Variants in ANKDD1A observed in about 807,000 individuals in gnomAD.
ANKDD1A encodes ankyrin repeat and death domain containing 1A.
A neutral mutation model predicts 63.5 loss-of-function variants in ANKDD1A; 59 were observed. The observed-to-expected ratio is 0.93, with a 90% CI of 0.75 to 1.15. The LOEUF is 1.15. Ranked by LOEUF, ANKDD1A falls within the 50% of genes most tolerant of loss-of-function variation. The pLI, the probability that ANKDD1A is intolerant of heterozygous loss-of-function variation, is 0.00. For missense variants in ANKDD1A, 632 were observed against 656.4 expected (o/e 0.96, Z 0.41); for synonymous variants, 266 against 263.9 (o/e 1.01, Z -0.08).
At chr15:64,939,097 C>T (rs2085159753) in intron 9 of ANKDD1A, among the ~76,000 whole-genome samples, 1 of 152,018 alleles carries the variant, frequency 6.6e-6, no homozygotes, top group South Asian at 2.1e-4. Context: ...TGTGGGAACT[C>T]TGTTATCTTT....
At position 64,949,942 on chromosome 15, in the gene ANKDD1A, C is replaced by T. The variant is rs748011284; in HGVS notation, c.1453C>T (p.Leu485Phe). 1.3e-5 allele frequency: 21 copies of T among 1,609,966 alleles called. No individual in the cohort carries two copies. The Admixed American group carries it at 1.5e-4, about 11-fold the overall frequency. ...ENPSKALFEG[L>F]VAIGRRDLAG... is the part of the protein sequence containing the mutation. ...CCCCAGCAAAGCGCTGTTCGAGGGC[C>T]TCGTGGCCATTGGCAGGAGGGACCT... The change falls in exon 14 of 15, where the codon CTC becomes TTC. Residue 485 changes from leucine to phenylalanine, a missense_variant. Coordinates refer to ENST00000319580, the MANE Select transcript of ANKDD1A (RefSeq NM_182703.6).
intron 14 of ANKDD1A, among the ~76,000 whole-genome samples, chr15:64,953,287 CCTTCTTTCTTCTTCTTTTACTTTTTT>C (rs2085336376): frequency 6.8e-6 from 1 of 147,970 alleles, no homozygotes; most frequent in African/African-American, 2.5e-5. Context: ...TTTCCTTCTT[CCTTCTTTCTTCTTCTTTTACTTTTTT>C]CTTTCTTCTT....
chr15:64,917,519 G>A lies in ANKDD1A; in HGVS notation c.267+5G>A, dbSNP rs997883712. 4 of 1,529,112 alleles carry A rather than the reference G, an allele frequency of 2.6e-6. No individual in the cohort carries two copies. Among genetic ancestry groups the A allele is most frequent in the Non-Finnish European group, 3.5e-6 (4 of 1,133,324 alleles). 94.7% of individuals were successfully genotyped at this position (1,529,112 alleles called of 1,614,324 possible). A position where few individuals can be genotyped will look rare whatever the true frequency, so the allele number is the denominator to read the frequency against. On this transcript the variant is annotated splice_donor_5th_base_variant and intron_variant, in intron 3 of 14. Transcript: ENST00000319580. The stretch of plus-strand genomic sequence containing the variant: ...CTCACAGAGGCACGTCTGTGTGTAC[G>A]TGTCTGTCTGTCTGTCTGTCTCAGG...
At chr15:64,938,332 T>G (rs927543314) in intron 9 of ANKDD1A, among the ~76,000 whole-genome samples, 2 of 152,118 alleles carry the variant, frequency 1.3e-5, no homozygotes, top group East Asian at 1.9e-4. Flanking sequence ...AAACACTACC[T>G]CAGCCAGGTG....
chr15:64,951,993 T>C (rs2085294368), intron 14 of ANKDD1A, among the ~76,000 whole-genome samples: 1 of 150,508 alleles, frequency 6.6e-6, no homozygotes, highest in Non-Finnish European at 1.5e-5. Flanking sequence ...TATTCTTCTT[T>C]CTTTTCTTTC....
intron 14 of ANKDD1A, among the ~76,000 whole-genome samples, chr15:64,951,691 C>CATTCTTTTCTTTT (rs2085282838): frequency 1.7e-5 from 2 of 117,518 alleles, no homozygotes; most frequent in Admixed American, 9.0e-5. Context: ...TTTCTTCTTC[C>CATTCTTTTCTTTT]TCTTCTTCTT....
chr15:64,927,749 C>T (rs1488271592), intron 6 of ANKDD1A, among the ~76,000 whole-genome samples: 1 of 151,976 alleles, frequency 6.6e-6, no homozygotes, highest in African/African-American at 2.4e-5. Context: ...GGACTGTAGG[C>T]GCCCGCCACC....
intron 9 of ANKDD1A, among the ~76,000 whole-genome samples, chr15:64,935,051 C>T (rs895761975): frequency 5.9e-5 from 9 of 151,362 alleles, no homozygotes; most frequent in African/African-American, 2.2e-4. Flanking sequence ...CCAGGGAGAT[C>T]CATCTCTACA....
Position 64,945,607 on chromosome 15 carries a change from C to CACATATATATATATAT in ANKDD1A, c.1161+861_1161+862insCATATATATATATATA, listed in dbSNP as rs1555396877. On this transcript the variant is annotated intron_variant, in intron 12 of 14. Transcript: ENST00000319580. ...TTAGAGGGATTAAATGCATTTTCAA[C>CACATATATATATATAT]ATATATATATATATATATATATATG... 6.8e-5 allele frequency among the ~76,000 whole-genome samples: 5 copies of CACATATATATATATAT among 73,852 alleles called. No individual in the cohort carries two copies. The Admixed American group carries it at 9.1e-4, about 13-fold the overall frequency. The allele number at this position is 73,852 out of a possible 152,430, so 48.4% of individuals were successfully genotyped here. A position where few individuals can be genotyped will look rare whatever the true frequency, so the allele number is the denominator to read the frequency against.
chr15:64,926,255 C>T, intron 5 of ANKDD1A, 85 bp downstream of exon 5: 1 of 1,318,798 alleles, frequency 7.6e-7, no homozygotes, highest in Non-Finnish European at 1.1e-6. Context: ...TACCACATTC[C>T]TTGGGTGCAT....
intron 10 of ANKDD1A, 135 bp from the exon 11 acceptor site, chr15:64,943,349 C>A: frequency 2.7e-6 from 2 of 742,074 alleles, no homozygotes; most frequent in South Asian, 1.7e-5. Flanking sequence ...GTATGTAAAA[C>A]CAACAAACTG....
intron 14 of ANKDD1A, among the ~76,000 whole-genome samples, chr15:64,952,040 CTCT>C (rs796128862): frequency 3.7e-4 from 51 of 137,586 alleles, no homozygotes; most frequent in African/African-American, 1.1e-3. Flanking sequence ...TTCTTCTTTC[CTCT>C]TCTTTCTTCT....
intron 14 of ANKDD1A, among the ~76,000 whole-genome samples, chr15:64,954,485 T>C (rs1331149301): frequency 4.2e-5 from 6 of 141,728 alleles, no homozygotes; most frequent in African/African-American, 1.7e-4. Context: ...CTTTTTCTTC[T>C]TCCTTCTCCT....
chr15:64,915,660 G>C, intron 1 of ANKDD1A, 137 bp from the exon 2 acceptor site: 1 of 666,144 alleles, frequency 1.5e-6, no homozygotes, highest in Non-Finnish European at 2.6e-6. Context: ...GAGGAGGGCT[G>C]TGCCGCTCTG....
intron 4 of ANKDD1A, among the ~76,000 whole-genome samples, chr15:64,925,227 CA>C (rs769786433): frequency 0.059 from 2,523 of 42,654 alleles, 19 homozygotes; most frequent in African/African-American, 0.18. Flanking sequence ...GACTCCGACT[CA>C]AAAAAAAAAA....
At chr15:64,941,425 T>G (rs1457156201) in intron 9 of ANKDD1A, among the ~76,000 whole-genome samples, 1 of 152,214 alleles carries the variant, frequency 6.6e-6, no homozygotes, top group Non-Finnish European at 1.5e-5. Context: ...TGTAAGGGCC[T>G]TCCTGCTGTG....
rs371021921 is a variant in ANKDD1A at position 64,947,496 on chromosome 15, G to A, written c.1254G>A (p.Leu418=). The A allele has an allele frequency of 2.5e-6, 4 of 1,613,668 alleles. No homozygotes were observed. Among genetic ancestry groups the A allele is most frequent in the Non-Finnish European group, 3.4e-6 (4 of 1,179,892 alleles). Reference sequence around the variant, plus strand: ...AGCTCCGTTCTGTGCTGTGGCGGCTGGCCTCCAGGTATCTGCAGCCCCGTG... The same window carrying A: ...AGCTCCGTTCTGTGCTGTGGCGGCTAGCCTCCAGGTATCTGCAGCCCCGTG... ...TQQLRSVLWR[L]ASRYLQPREW... Residue 418 remains leucine (L), a synonymous_variant, in exon 13 of 15, where the codon CTG becomes CTA. Coordinates refer to ENST00000319580, the MANE Select transcript of ANKDD1A (RefSeq NM_182703.6).
chr15:64,931,168 A>G (rs2085087742), intron 7 of ANKDD1A, among the ~76,000 whole-genome samples: 1 of 152,146 alleles, frequency 6.6e-6, no homozygotes, highest in Non-Finnish European at 1.5e-5. Context: ...GTCACCGTGG[A>G]CAGGATGGTG....
intron 6 of ANKDD1A, among the ~76,000 whole-genome samples, chr15:64,929,823 G>T (rs911062741): frequency 2.6e-5 from 4 of 152,140 alleles, no homozygotes; most frequent in African/African-American, 9.7e-5. Context: ...AGCAAGAAGG[G>T]TCAGACACAT....
Sources: allele counts gnomAD v4.1 joint callset (sites outside exome capture counted in the v4.1 genomes callset), GRCh38; gene constraint gnomAD v4.1.1; transcripts MANE v1.5; gene names NCBI Gene and HGNC (gene_info 2026-07-23, HGNC 2026-07-21).